ROR1: variants seen among roughly 807,000 people sequenced by gnomAD.
ROR1 encodes ROR family WNT receptor 1, also known as inactive tyrosine-protein kinase transmembrane receptor ROR1.
A neutral mutation model predicts 78.8 loss-of-function variants in ROR1; 19 were observed. That is an observed-to-expected ratio of 0.24 (90% CI 0.17 to 0.35). The LOEUF (loss-of-function observed/expected upper bound fraction) is 0.35, where lower values mean the gene tolerates loss of function less well. Among genes scored for constraint, ROR1 ranks in the 10% least tolerant of loss-of-function variants. The pLI, the probability that ROR1 is intolerant of heterozygous loss-of-function variation, is 1.00. For missense variants in ROR1, 917 were observed against 1,177.8 expected (o/e 0.78, Z 3.24); for synonymous variants, 386 against 433.6 (o/e 0.89, Z 1.36).
Position 63,806,638 on chromosome 1 carries a change from A to G in ROR1, c.91+32130A>G, listed in dbSNP as rs1644831831. On this transcript the variant is annotated intron_variant, in intron 1 of 8. Coordinates refer to ENST00000371079, the MANE Select transcript of ROR1 (RefSeq NM_005012.4). ...GGCCCAGACTATTTAATTTTTGTAA[A>G]TAATTTAGTGTTTTGTTTTTGTTTT... Among the ~76,000 whole-genome samples the G allele has an allele frequency of 1.3e-5, 2 of 152,198 alleles. 1 individual carries two copies. Among genetic ancestry groups the G allele is most frequent in the Admixed American group, 1.3e-4 (2 of 15,282 alleles).
chr1:63,785,236 T>C (rs1202913803), intron 1 of ROR1, among the ~76,000 whole-genome samples: 1 of 152,192 alleles, frequency 6.6e-6, no homozygotes, highest in Non-Finnish European at 1.5e-5. Flanking sequence ...TTCAAAGTTT[T>C]TACATAATTT....
At chr1:64,025,872 G>A (rs183282748) in intron 2 of ROR1, among the ~76,000 whole-genome samples, 9 of 152,246 alleles carry the variant, frequency 5.9e-5, no homozygotes, top group African/African-American at 1.7e-4. Context: ...GGGAAAGGGT[G>A]GGAGGTGGGT....
At chr1:63,843,162 G>T (rs1645059689) in intron 1 of ROR1, 1 of 1,024,218 alleles carries the variant, frequency 9.8e-7, no homozygotes, top group South Asian at 1.3e-5. Context: ...GGGGCTGCCA[G>T]ATGCTCCAGG....
intron 1 of ROR1, among the ~76,000 whole-genome samples, chr1:63,979,972 A>G (rs1052958826): frequency 3.9e-5 from 6 of 152,180 alleles, no homozygotes; most frequent in African/African-American, 1.4e-4. Flanking sequence ...ACTGTGGAAT[A>G]GCTGCATGTG....
intron 1 of ROR1, among the ~76,000 whole-genome samples, chr1:63,829,042 T>C (rs1445066339): frequency 1.3e-5 from 2 of 152,256 alleles, no homozygotes; most frequent in African/African-American, 4.8e-5. Flanking sequence ...TATTTGGGAA[T>C]GTGAGCTCCA....
chr1:64,045,993 A>T (rs1646779805), intron 2 of ROR1, among the ~76,000 whole-genome samples: 1 of 152,228 alleles, frequency 6.6e-6, no homozygotes, highest in Non-Finnish European at 1.5e-5. Context: ...TACTGAATCA[A>T]ACCATTGAAA....
chr1:64,005,928 A>G (rs1160615014), intron 1 of ROR1, among the ~76,000 whole-genome samples: 2 of 152,202 alleles, frequency 1.3e-5, no homozygotes, highest in Non-Finnish European at 1.5e-5. Context: ...ACTCCCCAGA[A>G]TCAGCACAAT....
intron 1 of ROR1, among the ~76,000 whole-genome samples, chr1:63,882,445 C>T (rs530586640): frequency 3.9e-5 from 6 of 152,270 alleles, no homozygotes; most frequent in South Asian, 2.1e-4. Context: ...ACAAAGATGA[C>T]GTGCATGTTG....
At chr1:64,168,297 C>T (rs139076333) in intron 8 of ROR1, among the ~76,000 whole-genome samples, 66 of 152,282 alleles carry the variant, frequency 4.3e-4, no homozygotes, top group Non-Finnish European at 7.2e-4. Flanking sequence ...TTACCAATCT[C>T]ATGGGGTTAG....
At chr1:63,784,301 C>T (rs1283591642) in intron 1 of ROR1, among the ~76,000 whole-genome samples, 1 of 152,116 alleles carries the variant, frequency 6.6e-6, no homozygotes, top group Non-Finnish European at 1.5e-5. Context: ...AAAACCCAGC[C>T]CCTTGGACTT....
chr1:63,831,997 G>A (rs558433784), intron 1 of ROR1, among the ~76,000 whole-genome samples: 1 of 152,164 alleles, frequency 6.6e-6, no homozygotes, highest in South Asian at 2.1e-4. Flanking sequence ...AGGTTACACA[G>A]ATCTCTAGAG....
At chr1:63,946,854 GT>G (rs1341048704) in intron 1 of ROR1, among the ~76,000 whole-genome samples, 1 of 152,188 alleles carries the variant, frequency 6.6e-6, no homozygotes. Context: ...CTTGTCAAGG[GT>G]TGAGGTGGTG....
intron 4 of ROR1, among the ~76,000 whole-genome samples, chr1:64,115,612 G>GTA (rs143560709): frequency 0.041 from 6,136 of 148,686 alleles, 412 homozygotes; most frequent in African/African-American, 0.14. Context: ...ATATATATGT[G>GTA]TATATATATA....
At chr1:64,052,832 T>C (rs1196167737) in intron 4 of ROR1, among the ~76,000 whole-genome samples, 1 of 152,188 alleles carries the variant, frequency 6.6e-6, no homozygotes, top group East Asian at 1.9e-4. Context: ...GCATTCCTAG[T>C]TGGCATTTTG....
At chr1:64,132,394 T>A (rs2100700459) in intron 4 of ROR1, among the ~76,000 whole-genome samples, 1 of 152,224 alleles carries the variant, frequency 6.6e-6, no homozygotes, top group East Asian at 1.9e-4. Flanking sequence ...TGAGTACCTG[T>A]TTTCAATTCT....
chr1:64,010,131 T>C (rs940817017), intron 2 of ROR1, among the ~76,000 whole-genome samples: 1 of 152,072 alleles, frequency 6.6e-6, no homozygotes, highest in African/African-American at 2.4e-5. Flanking sequence ...CAATACTCAT[T>C]CTCCCCCTTT....
intron 1 of ROR1, among the ~76,000 whole-genome samples, chr1:63,778,564 C>T (rs1644631339): frequency 6.6e-6 from 1 of 152,184 alleles, no homozygotes; most frequent in Non-Finnish European, 1.5e-5. Context: ...AAGAATGGTG[C>T]CAAGTCCTTG....
chr1:63,913,273 GT>G (rs1277501416), intron 1 of ROR1, among the ~76,000 whole-genome samples: 2 of 151,732 alleles, frequency 1.3e-5, no homozygotes. Context: ...GGGTTGCAAG[GT>G]TTTTTTCTAT....
chr1:63,795,169 A>G (rs757130991), intron 1 of ROR1, among the ~76,000 whole-genome samples: 2 of 152,030 alleles, frequency 1.3e-5, no homozygotes, highest in Non-Finnish European at 2.9e-5. Flanking sequence ...GGGCTGATGG[A>G]TTACATTCTT....
Sources: allele counts gnomAD v4.1 joint callset (sites outside exome capture counted in the v4.1 genomes callset), GRCh38; gene constraint gnomAD v4.1.1; transcripts MANE v1.5; gene names NCBI Gene and HGNC (gene_info 2026-07-23, HGNC 2026-07-21).